ZNF568: variants seen among roughly 807,000 people sequenced by gnomAD.
ZNF568 encodes p53 inhibitor of SCO2 activation.
Under a neutral mutation model 18.1 loss-of-function variants are expected in ZNF568, and 11 were observed. The observed-to-expected ratio is 0.61, with a 90% CI of 0.38 to 1.00. The LOEUF is 1.00. Among genes scored for constraint, ZNF568 ranks in the 50% least tolerant of loss-of-function variants. The pLI is 0.01. For missense variants in ZNF568, 639 were observed against 768.2 expected, an observed-to-expected ratio of 0.83 and a Z score of 1.99; for synonymous variants, 213 against 246.6, an observed-to-expected ratio of 0.86 and a Z score of 1.28.
intron 5 of ZNF568, 50 bp from the exon 6 acceptor site, chr19:36,937,097 T>TATTC: frequency 3.2e-6 from 5 of 1,572,642 alleles, no homozygotes; most frequent in Non-Finnish European, 4.4e-6. Flanking sequence ...AAGATCTGAA[T>TATTC]GGTTGTCTCC....
intron 1 of ZNF568, among the ~76,000 whole-genome samples, chr19:36,917,347 T>C (rs1461634540): frequency 2.0e-5 from 3 of 152,204 alleles, no homozygotes; most frequent in Non-Finnish European, 2.9e-5. Context: ...AAATCAATTA[T>C]GCCCACAGTT....
intron 6 of ZNF568, among the ~76,000 whole-genome samples, chr19:36,968,861 C>CT (rs111450122): frequency 0.36 from 52,969 of 147,542 alleles, 9,519 homozygotes; most frequent in African/African-American, 0.41. Context: ...TGAATGAGTT[C>CT]TTTTTTTTTT....
At chr19:36,948,216 A>G (rs1234087716) in intron 6 of ZNF568, among the ~76,000 whole-genome samples, 3 of 152,104 alleles carry the variant, frequency 2.0e-5, no homozygotes, top group African/African-American at 4.8e-5. Flanking sequence ...CCAGTTTGGA[A>G]TCATATAGTA....
At position 36,961,803 on chromosome 19, in the gene ZNF568, G is replaced by A. The variant is rs147331287; in HGVS notation, c.359-12617G>A. ...CTTCCAAAGTGCTGGGATTACAGGC[G>A]TGAGCCACTGACCTGGCTAAAGGTT... is the stretch of plus-strand genomic sequence containing the variant. On this transcript the variant is annotated intron_variant, in intron 6 of 7. Coordinates refer to the ZNF568 transcript ENST00000427117. Among the ~76,000 whole-genome samples, 369 of 151,382 alleles carry A rather than the reference G, an allele frequency of 2.4e-3. 1 individual carries two copies. The highest frequency in any genetic ancestry group is 0.01 in the South Asian group (49 of 4,778).
chr19:36,988,988 C>G (rs553253468), intron 2 of ZNF568, among the ~76,000 whole-genome samples: 1 of 152,290 alleles, frequency 6.6e-6, no homozygotes, highest in African/African-American at 2.4e-5. Context: ...TGACCAACCT[C>G]TCGCGTTTTG....
At chr19:36,949,475 T>G in intron 6 of ZNF568, 37 bp from the exon 7 acceptor site, 1 of 1,527,168 alleles carries the variant, frequency 6.5e-7, no homozygotes, top group Non-Finnish European at 8.7e-7. Context: ...AGTGGTAGAA[T>G]AATTCACAAG....
intron 6 of ZNF568, chr19:36,973,358 G>A (rs1224818371): frequency 2.0e-5 from 3 of 153,376 alleles, no homozygotes; most frequent in Non-Finnish European, 4.4e-5. Context: ...TTAAAAGACA[G>A]GTGGCTCTCG....
downstream of ZNF568, chr19:36,997,746 A>G (rs1318691315): frequency 3.0e-6 from 2 of 675,152 alleles, no homozygotes; most frequent in Admixed American, 2.8e-5. Flanking sequence ...TCAGAATTTG[A>G]TTGACATGAG....
At chr19:36,966,007 A>G (rs1357646794) in intron 6 of ZNF568, among the ~76,000 whole-genome samples, 1 of 150,622 alleles carries the variant, frequency 6.6e-6, no homozygotes, top group Non-Finnish European at 1.5e-5. Context: ...GCCTGATTAC[A>G]GGATATAAGG....
Position 36,949,755 on chromosome 19 carries a change from A to T in ZNF568, c.602A>T (p.Glu201Val). Residue 201 changes from glutamate (E) to valine (V), a missense_variant, in exon 7 of 7, where the codon GAG (glutamate) becomes GTG (valine). Coordinates refer to ENST00000333987, the MANE Select transcript of ZNF568 (RefSeq NM_198539.4). ...LLRYEKGCVR[E>V]KQSNEFGKPF... ...AGATATGAGAAAGGCTGTGTAAGAG[A>T]GAAACAGAGTAATGAGTTTGGGAAA... The T allele has an allele frequency of 6.2e-7, 1 of 1,613,986 alleles. No individual in the cohort carries two copies. The highest frequency in any genetic ancestry group is 8.5e-7 in the Non-Finnish European group (1 of 1,179,904).
In ZNF568 at chr19:36,952,117, A is replaced by C; in HGVS notation, c.*1029A>C. ...TATATACATCCTATAGAAACTCACA[A>C]ATAATGCATAAGAAATATATATATA... On this transcript the variant is annotated 3_prime_UTR_variant, in exon 7 of 7. Coordinates refer to ENST00000333987, the MANE Select transcript of ZNF568 (RefSeq NM_198539.4). 1 of 750,908 alleles carries C rather than the reference A, an allele frequency of 1.3e-6. No homozygotes were observed. Among genetic ancestry groups the C allele is most frequent in the Non-Finnish European group, 1.6e-6 (1 of 618,250 alleles). 46.5% of individuals were successfully genotyped at this position (750,908 alleles called of 1,614,324 possible).
chr19:36,919,615 C>T (rs144080920), intron 2 of ZNF568, among the ~76,000 whole-genome samples: 6 of 152,234 alleles, frequency 3.9e-5, no homozygotes, highest in African/African-American at 9.6e-5. Flanking sequence ...GGAGCTCAGG[C>T]GGTAATGCTC....
At chr19:36,957,544 T>A (rs1373409725), downstream of ZNF568, among the ~76,000 whole-genome samples, 21 of 152,226 alleles carry the variant, frequency 1.4e-4, no homozygotes. Context: ...GTTCTTTAAC[T>A]GCTGTTGTGA....
chr19:36,925,093 A>G, intron 3 of ZNF568, 107 bp from the exon 4 acceptor site: 2 of 912,330 alleles, frequency 2.2e-6, no homozygotes, highest in Non-Finnish European at 3.6e-6. Context: ...TTATTGCTTC[A>G]AGGATCATTC....
downstream of ZNF568, among the ~76,000 whole-genome samples, chr19:36,982,528 A>G (rs2074339887): frequency 6.6e-6 from 1 of 152,058 alleles, no homozygotes; most frequent in Non-Finnish European, 1.5e-5. Context: ...GTGAAACCCC[A>G]TCTCTACTAA....
intron 6 of ZNF568, among the ~76,000 whole-genome samples, chr19:36,968,559 CTA>C (rs1305552052): frequency 8.4e-5 from 12 of 142,428 alleles, no homozygotes; most frequent in East Asian, 2.0e-4. Flanking sequence ...AAAAAAAAAA[CTA>C]TATATATATA....
Position 36,944,550 on chromosome 19 carries a change from C to T in ZNF568, c.359-4962C>T, listed in dbSNP as rs1433240371. Among the ~76,000 whole-genome samples, 4 of 152,016 alleles carry T rather than the reference C, an allele frequency of 2.6e-5. No individual in the cohort carries two copies. The East Asian group carries it at 7.7e-4, about 29-fold the overall frequency. On this transcript the variant is annotated intron_variant, in intron 6 of 6. Transcript: ENST00000333987. The stretch of plus-strand genomic sequence containing the variant: ...TCCTTAATTCATATATATTTCTCAC[C>T]CTTGACACTATTGACATTTTGGGCC...
chr19:36,954,946 C>G (rs2074096408), downstream of ZNF568, among the ~76,000 whole-genome samples: 1 of 151,624 alleles, frequency 6.6e-6, no homozygotes, highest in Non-Finnish European at 1.5e-5. Flanking sequence ...GCAGCATGAT[C>G]TCGGTTCACT....
rs113768187 is a variant in ZNF568, at chr19:36,967,035, G to A, written c.359-7385G>A. Among the ~76,000 whole-genome samples, 485 of 152,318 alleles carry A rather than the reference G, an allele frequency of 3.2e-3. 3 individuals carry two copies. The highest frequency in any genetic ancestry group is 0.011 in the African/African-American group (466 of 41,568). On this transcript the variant is annotated intron_variant, in intron 6 of 7. Transcript: ENST00000427117. ...ATGCATCTCAGGCCTAAGGCCTACA[G>A]TGCCACTCCAACTCTCTTTGAGTAC...
Sources: allele counts gnomAD v4.1 joint callset (sites outside exome capture counted in the v4.1 genomes callset), GRCh38; gene constraint gnomAD v4.1.1; transcripts MANE v1.5; gene names NCBI Gene and HGNC (gene_info 2026-07-23, HGNC 2026-07-21).